AK9: variants seen among roughly 807,000 people sequenced by gnomAD.
AK9 encodes adenylate kinase 9, also known as adenylate kinase domain containing 1.
In AK9, 191 loss-of-function variants were observed where a neutral mutation model predicts 239.6. That is an observed-to-expected ratio of 0.80 (90% confidence interval 0.71 to 0.90). The LOEUF is 0.90. AK9 is among the 40% of genes least tolerant of loss of function. The probability of loss-of-function intolerance (pLI) is 0.00; values close to 1 mark genes in which losing one functional copy is unlikely to be tolerated. For synonymous variants in AK9, 689 were observed against 721.0 expected, an observed-to-expected ratio of 0.96 and a Z score of 0.71; for missense variants, 1,995 against 2,214.7, an observed-to-expected ratio of 0.90 and a Z score of 1.99.
chr6:109,497,624 A>C (rs2115404575), intron 37 of AK9, 61 bp from the exon 38 acceptor site: 1 of 1,374,326 alleles, frequency 7.3e-7, no homozygotes. Flanking sequence ...GTCCTGTGTA[A>C]ATAAAAAGTC....
intron 29 of AK9, chr6:109,528,796 G>GCCTTGAAAAGCTGTTACAAGAGGGTCAT: frequency 2.7e-6 from 2 of 729,136 alleles, no homozygotes; most frequent in Non-Finnish European, 4.6e-6. Flanking sequence ...AAGAGGGTCA[G>GCCTTGAAAAGCTGTTACAAGAGGGTCAT]CCTTGAAAAG....
chr6:109,548,876 T>A (rs1485292005), intron 25 of AK9, among the ~76,000 whole-genome samples: 1 of 152,114 alleles, frequency 6.6e-6, no homozygotes, highest in Non-Finnish European at 1.5e-5. Flanking sequence ...CAAAGCACAA[T>A]CAAAGCAATG....
At chr6:109,595,231 T>C (rs1392283780) in intron 17 of AK9, among the ~76,000 whole-genome samples, 1 of 152,194 alleles carries the variant, frequency 6.6e-6, no homozygotes, top group African/African-American at 2.4e-5. Context: ...AAGACATTTA[T>C]GCGGCCAACA....
intron 15 of AK9, among the ~76,000 whole-genome samples, chr6:109,613,636 A>G (rs879703214): frequency 2.0e-5 from 3 of 151,816 alleles, no homozygotes; most frequent in Admixed American, 2.0e-4. Context: ...ATGAAGTAAT[A>G]TAATTAAATG....
intron 30 of AK9, 56 bp downstream of exon 30, chr6:109,516,374 A>G: frequency 7.0e-7 from 1 of 1,432,410 alleles, no homozygotes. Flanking sequence ...AAATTGCTTT[A>G]GTCTGATTCT....
rs1293610642 is a variant in AK9 at position 109,494,065 on chromosome 6, T to C, written c.5449A>G (p.Asn1817Asp). 1 of 1,613,548 alleles carries C rather than the reference T, an allele frequency of 6.2e-7. No individual in the cohort carries two copies. Among genetic ancestry groups the C allele is most frequent in the Non-Finnish European group, 8.5e-7 (1 of 1,179,656 alleles). The stretch of plus-strand genomic sequence containing the variant: ...TTGGGCTTTAAGCATCCCGCTGCAT[T>C]CATTGCTTTAATTAGAGAAGTTGCA... ...GIATSLIKAM[N>D]AAGCLKPKFP... The change falls in exon 40 of 41, where the codon AAT (asparagine) becomes GAT (aspartate). Residue 1817 changes from asparagine to aspartate, a missense_variant. Asn to Asp is a conservative substitution (Grantham distance 23, BLOSUM62 1). Coordinates refer to ENST00000424296, the MANE Select transcript of AK9 (RefSeq NM_001145128.3).
At chr6:109,512,885 A>T (rs1778897518) in intron 32 of AK9, among the ~76,000 whole-genome samples, 1 of 152,226 alleles carries the variant, frequency 6.6e-6, no homozygotes, top group Non-Finnish European at 1.5e-5. Flanking sequence ...TTGTTTTGAG[A>T]CAGGCTCTCA....
intron 1 of AK9, among the ~76,000 whole-genome samples, chr6:109,688,868 C>T (rs1773895759): frequency 6.6e-6 from 1 of 152,058 alleles, no homozygotes. Context: ...TGGGGGTGCT[C>T]AGGGTGGTAT....
Position 109,614,239 on chromosome 6 carries a change from G to A in AK9, c.1553C>T (p.Ala518Val). The A allele has an allele frequency of 6.4e-7, 1 of 1,551,280 alleles. No homozygotes were observed. The highest frequency in any genetic ancestry group is 8.7e-7 in the Non-Finnish European group (1 of 1,146,760). ...RGSSLVDTEE[A>V]KTKSENVLHD... is the part of the protein sequence containing the mutation. ...GAGGACATTTTCTGACTTTGTTTTG[G>A]CTTCTTCGGTGTCCACTAAAGAGCT... Residue 518 changes from alanine to valine, a missense_variant, in exon 15 of 41, where the codon GCC (alanine) becomes GTC (valine). Transcript: ENST00000424296.
chr6:109,535,498 G>C (rs866950105), intron 27 of AK9, among the ~76,000 whole-genome samples: 10 of 152,258 alleles, frequency 6.6e-5, no homozygotes, highest in Middle Eastern at 3.4e-3. Context: ...TGTAGATTCT[G>C]GATATTAGCC....
chr6:109,565,922 G>A (rs1413233466), intron 21 of AK9, among the ~76,000 whole-genome samples: 1 of 152,102 alleles, frequency 6.6e-6, no homozygotes, highest in Non-Finnish European at 1.5e-5. Flanking sequence ...AAGTAGAAGG[G>A]GACAAGCCTG....
rs1026658279 is a variant in AK9 at position 109,514,443 on chromosome 6, A to T, written c.4066-6T>A. 38 of 1,536,970 alleles carry T rather than the reference A, an allele frequency of 2.5e-5. No homozygotes were observed. Among genetic ancestry groups the T allele is most frequent in the Non-Finnish European group, 3.3e-5 (38 of 1,140,046 alleles). On this transcript the variant is annotated splice_region_variant and splice_polypyrimidine_tract_variant and intron_variant, in intron 31 of 40. Transcript: ENST00000424296. Reference sequence around the variant, plus strand: ...ATTGTCTCTCCTTCACTTAGCTGCAACATATACACAGTTGAATTTGAAAGT... The same window carrying T: ...ATTGTCTCTCCTTCACTTAGCTGCATCATATACACAGTTGAATTTGAAAGT...
chr6:109,590,350 T>G (rs1397334122), intron 17 of AK9, among the ~76,000 whole-genome samples: 1 of 152,192 alleles, frequency 6.6e-6, no homozygotes, highest in Admixed American at 6.5e-5. Context: ...CCAGCTTGTA[T>G]GCACAGAGAT....
chr6:109,526,829 G>A (rs1359367689), intron 29 of AK9, among the ~76,000 whole-genome samples: 2 of 152,132 alleles, frequency 1.3e-5, no homozygotes, highest in African/African-American at 2.4e-5. Flanking sequence ...TCAACCTGAA[G>A]AGCCCTCTGT....
At chr6:109,576,414 T>C (rs12214639) in intron 20 of AK9, among the ~76,000 whole-genome samples, 44,413 of 131,160 alleles carry the variant, frequency 0.34, 8,182 homozygotes, top group South Asian at 0.44. Flanking sequence ...TATATACATA[T>C]ATATACTTTT....
chr6:109,514,090 C>T, intron 32 of AK9, 134 bp downstream of exon 32: 1 of 846,382 alleles, frequency 1.2e-6, no homozygotes, highest in Admixed American at 2.9e-5. Flanking sequence ...CTCCTGTCTC[C>T]TCACTCAGCC....
chr6:109,589,291 C>T (rs1333376133), intron 17 of AK9, among the ~76,000 whole-genome samples: 2 of 152,090 alleles, frequency 1.3e-5, no homozygotes, highest in African/African-American at 2.4e-5. Flanking sequence ...AGATCTTTCA[C>T]CTCCTTGGTT....
intron 5 of AK9, among the ~76,000 whole-genome samples, chr6:109,669,684 A>G (rs1412887222): frequency 1.3e-5 from 2 of 152,110 alleles, no homozygotes; most frequent in African/African-American, 2.4e-5. Flanking sequence ...TTCACTTCCA[A>G]TTTTGCTTCT....
intron 5 of AK9, among the ~76,000 whole-genome samples, chr6:109,663,954 C>T (rs141094506): frequency 3.7e-4 from 57 of 152,184 alleles, no homozygotes; most frequent in South Asian, 3.5e-3. Context: ...TGTATTTCAG[C>T]GAAAGCAATA....
Sources: allele counts gnomAD v4.1 joint callset (sites outside exome capture counted in the v4.1 genomes callset), GRCh38; gene constraint gnomAD v4.1.1; transcripts MANE v1.5; gene names NCBI Gene and HGNC (gene_info 2026-07-23, HGNC 2026-07-21).